CHRNA9: variants seen among roughly 807,000 people sequenced by gnomAD.
CHRNA9 encodes the protein cholinergic receptor nicotinic alpha 9 subunit, also known as neuronal acetylcholine receptor subunit alpha-9.
A neutral mutation model predicts 36.8 loss-of-function variants in CHRNA9; 24 were observed. The ratio of observed to expected loss-of-function variants is 0.65; its 90% CI spans 0.47 to 0.92. The LOEUF (loss-of-function observed/expected upper bound fraction) is 0.92, where lower values mean the gene tolerates loss of function less well. CHRNA9 is among the 40% of genes least tolerant of loss of function. The pLI, the probability that CHRNA9 is intolerant of heterozygous loss-of-function variation, is 0.00. For missense variants in CHRNA9, 610 were observed against 601.2 expected, an observed-to-expected ratio of 1.01 and a Z score of -0.15; for synonymous variants, 231 against 231.8, an observed-to-expected ratio of 1.00 and a Z score of 0.03.
At chr4:40,342,166 TG>T (rs1303908124) in intron 3 of CHRNA9, among the ~76,000 whole-genome samples, 1 of 152,224 alleles carries the variant, frequency 6.6e-6, no homozygotes, top group African/African-American at 2.4e-5. Flanking sequence ...GGCCAGCTTA[TG>T]TATCTATCTT....
intron 3 of CHRNA9, among the ~76,000 whole-genome samples, chr4:40,346,817 G>T (rs114219703): frequency 0.06 from 9,148 of 151,238 alleles, 345 homozygotes; most frequent in South Asian, 0.1. Flanking sequence ...TTATTTTTTT[G>T]TTGTTGTTGT....
intron 3 of CHRNA9, among the ~76,000 whole-genome samples, chr4:40,342,935 G>A (rs1429548271): frequency 2.0e-5 from 3 of 151,986 alleles, no homozygotes; most frequent in South Asian, 2.1e-4. Flanking sequence ...AGAGAGAGGG[G>A]GGAACTTCTT....
chr4:40,340,195 C>T (rs1042513207), intron 3 of CHRNA9, among the ~76,000 whole-genome samples: 7 of 152,124 alleles, frequency 4.6e-5, no homozygotes, highest in Non-Finnish European at 7.4e-5. Context: ...TGGTTCTGTC[C>T]ACATTGTCCC....
chr4:40,335,658 T>C, intron 1 of CHRNA9, 127 bp downstream of exon 1: 1 of 997,924 alleles, frequency 1.0e-6, no homozygotes. Context: ...TGCTTCCTAC[T>C]GACTCTGATC....
At chr4:40,353,819 T>C (rs529668786) in intron 4 of CHRNA9, among the ~76,000 whole-genome samples, 160 bp from the exon 5 acceptor site, 1 of 152,308 alleles carries the variant, frequency 6.6e-6, no homozygotes, top group South Asian at 2.1e-4. Context: ...GGCTAGACCA[T>C]TTAGGTTTGT....
At position 40,346,431 on chromosome 4, in the gene CHRNA9, T is replaced by A. The variant is rs186003949; in HGVS notation, c.366-2451T>A. Among the ~76,000 whole-genome samples the A allele has an allele frequency of 8.9e-4, 136 of 152,352 alleles. 1 individual carries two copies. Among genetic ancestry groups the A allele is most frequent in the Middle Eastern group, 3.4e-3 (1 of 294 alleles). On this transcript the variant is annotated intron_variant, in intron 3 of 4. Coordinates refer to ENST00000310169, the MANE Select transcript of CHRNA9 (RefSeq NM_017581.4). ...CAGGTTATCTAATTGGAGTAGGCCA[T>A]CTATTTCCTACAGGGATCATGCCCA...
chr4:40,352,102 G>A (rs981633136), intron 4 of CHRNA9, among the ~76,000 whole-genome samples: 1 of 152,192 alleles, frequency 6.6e-6, no homozygotes, highest in African/African-American at 2.4e-5. Flanking sequence ...GGAACATTTG[G>A]TAGGGGGATG....
chr4:40,352,071 C>A (rs1712817402), intron 4 of CHRNA9, among the ~76,000 whole-genome samples: 1 of 152,130 alleles, frequency 6.6e-6, no homozygotes, highest in Non-Finnish European at 1.5e-5. Flanking sequence ...TAAAACTCAC[C>A]TATAAATTAT....
Position 40,335,940 on chromosome 4 carries a change from C to T in CHRNA9, c.178C>T (p.Leu60=). The T allele has an allele frequency of 6.2e-7, 1 of 1,613,082 alleles. No homozygotes were observed. Among genetic ancestry groups the T allele is most frequent in the Non-Finnish European group, 8.5e-7 (1 of 1,178,978 alleles). The part of the protein sequence containing the change: ...EDTDKVLNVT[L]QITLSQIKDM... ...TACAGATAAAGTCCTGAATGTGACCCTGCAGATTACGCTCTCTCAGATTAA... is the reference window on the plus strand; with the variant it reads ...TACAGATAAAGTCCTGAATGTGACCTTGCAGATTACGCTCTCTCAGATTAA... The change falls in exon 2 of 5, where the codon CTG becomes TTG. Residue 60 remains leucine (L), a synonymous_variant. Coordinates refer to ENST00000310169, the MANE Select transcript of CHRNA9 (RefSeq NM_017581.4).
Position 40,342,697 on chromosome 4 carries a change from G to A in CHRNA9, c.365+5333G>A, listed in dbSNP as rs76175092. Among the ~76,000 whole-genome samples the A allele has an allele frequency of 6.2e-3, 943 of 152,240 alleles. 5 individuals are homozygous for A. The highest frequency in any genetic ancestry group is 0.011 in the Non-Finnish European group (750 of 68,008). On this transcript the variant is annotated intron_variant, in intron 3 of 4. Coordinates refer to ENST00000310169, the MANE Select transcript of CHRNA9 (RefSeq NM_017581.4). ...CAGGAGTCAGGAAATAAAAGCAAGA[G>A]GAAACGGGACAATAGCAGGTATCAG...
In CHRNA9 at chr4:40,354,197, G is replaced by A. The variant is rs1462036922; in HGVS notation, c.1117G>A (p.Val373Ile). 6.2e-7 allele frequency: 1 copy of A among 1,614,190 alleles called. No homozygotes were observed. The highest frequency in any genetic ancestry group is 1.1e-5 in the South Asian group (1 of 91,080). Residue 373 changes from valine to isoleucine, a missense_variant, in exon 5 of 5, where the codon GTT (valine) becomes ATT (isoleucine). Transcript: ENST00000310169. ...TAGAGAGCGGGACCACCTCACGAAA[G>A]TTTATAGCAAACTCCCAGAGTCTAA... ...HSRERDHLTK[V>I]YSKLPESNLK...
chr4:40,344,262 G>A (rs1374927345), intron 3 of CHRNA9, among the ~76,000 whole-genome samples: 1 of 152,214 alleles, frequency 6.6e-6, no homozygotes, highest in East Asian at 1.9e-4. Flanking sequence ...TGGGCACGGT[G>A]GCTCGTGCCT....
intron 4 of CHRNA9, among the ~76,000 whole-genome samples, chr4:40,350,109 A>G (rs575117791): frequency 2.0e-5 from 3 of 152,298 alleles, no homozygotes; most frequent in African/African-American, 7.2e-5. Context: ...AGTGGCAAAC[A>G]TGGCAGAAAG....
Position 40,347,379 on chromosome 4 carries a change from C to T in CHRNA9, c.366-1503C>T, listed in dbSNP as rs114235942. Among the ~76,000 whole-genome samples, 1,349 of 152,256 alleles carry T rather than the reference C, an allele frequency of 8.9e-3. 21 individuals carry two copies. The highest frequency in any genetic ancestry group is 0.03 in the African/African-American group (1,264 of 41,526). On this transcript the variant is annotated intron_variant, in intron 3 of 4. Coordinates refer to ENST00000310169, the MANE Select transcript of CHRNA9 (RefSeq NM_017581.4). Reference sequence around the variant, plus strand: ...TACAGAGATGTCCACTGCAGCATTGCTTATAAATACAAAAACTGGAACCAA... The same window carrying T: ...TACAGAGATGTCCACTGCAGCATTGTTTATAAATACAAAAACTGGAACCAA...
chr4:40,336,067 G>T lies in CHRNA9; in HGVS notation c.210+95G>T. The T allele has an allele frequency of 2.8e-6, 3 of 1,071,280 alleles. No individual in the cohort carries two copies. In the Admixed American group the frequency reaches 6.3e-5, roughly 22 times the overall value. 66.4% of individuals were successfully genotyped at this position (1,071,280 alleles called of 1,614,324 possible). ...AATGTCTTAACTGGGAATTTGAGAGGGAATGATAGCTCCTTAAGCAAGCTG... is the reference window on the plus strand; with the variant it reads ...AATGTCTTAACTGGGAATTTGAGAGTGAATGATAGCTCCTTAAGCAAGCTG... On this transcript the variant is annotated intron_variant, in intron 2 of 4. Transcript: ENST00000310169.
chr4:40,349,511 G>T, intron 4 of CHRNA9, 97 bp downstream of exon 4: 1 of 1,247,040 alleles, frequency 8.0e-7, no homozygotes, highest in Non-Finnish European at 1.1e-6. Flanking sequence ...AAAAAATGGA[G>T]CCAATTTCGA....
Position 40,354,619 on chromosome 4 carries a change from G to A in CHRNA9, c.*99G>A, listed in dbSNP as rs1712908574. On this transcript the variant is annotated 3_prime_UTR_variant, in exon 5 of 5. Transcript: ENST00000310169. The stretch of plus-strand genomic sequence containing the variant: ...GATTTTTGTTCATCTATAATTTAGG[G>A]GTTATGTTGTCTGTGCTTTTTATTT... 1.0e-6 allele frequency: 1 copy of A among 997,120 alleles called. No homozygotes were observed. Among genetic ancestry groups the A allele is most frequent in the South Asian group, 1.6e-5 (1 of 61,686 alleles). 61.8% of individuals were successfully genotyped at this position (997,120 alleles called of 1,614,324 possible).
intron 3 of CHRNA9, among the ~76,000 whole-genome samples, chr4:40,340,177 G>A (rs1712458663): frequency 6.6e-6 from 1 of 152,110 alleles, no homozygotes; most frequent in South Asian, 2.1e-4. Flanking sequence ...GCCTAGTGTG[G>A]CTTTGGCTGG....
Position 40,349,267 on chromosome 4 carries a change from A to T in CHRNA9, c.751A>T (p.Ile251Leu), listed in dbSNP as rs1342541696. 1.2e-6 allele frequency: 2 copies of T among 1,614,108 alleles called. No homozygotes were observed. Residue 251 changes from isoleucine to leucine, a missense_variant, in exon 4 of 5, where the codon ATA (isoleucine) becomes TTA (leucine). Ile to Leu is a conservative substitution (Grantham distance 5). Transcript: ENST00000310169. ...CAACCTCCTCATCCCATGCGTCCTC[A>T]TATCTTTTCTGGCTCCTCTGAGTTT... ...IVNLLIPCVL[I>L]SFLAPLSFYL... is the part of the protein sequence containing the mutation.
Sources: gnomAD v4.1 joint callset for allele counts (sites outside exome capture counted in the v4.1 genomes callset) on GRCh38, gnomAD v4.1.1 for gene constraint, MANE v1.5 for transcripts, NCBI Gene and HGNC (gene_info 2026-07-23, HGNC 2026-07-21) for gene names.